PPP1R9A: variants seen among roughly 807,000 people sequenced by gnomAD.
PPP1R9A encodes protein phosphatase 1 regulatory subunit 9A.
A neutral mutation model predicts 141.9 loss-of-function variants in PPP1R9A; 59 were observed. That is an observed-to-expected ratio of 0.42 (90% CI 0.34 to 0.52). The LOEUF is 0.52. PPP1R9A is among the 20% of genes least tolerant of loss of function. The probability of loss-of-function intolerance (pLI) is 0.10; values close to 1 mark genes in which losing one functional copy is unlikely to be tolerated. For missense variants in PPP1R9A, 1,444 were observed against 1,611.9 expected, an observed-to-expected ratio of 0.90 and a Z score of 1.78; for synonymous variants, 500 against 569.7, an observed-to-expected ratio of 0.88 and a Z score of 1.74.
intron 8 of PPP1R9A, among the ~76,000 whole-genome samples, 197 bp from the exon 9 acceptor site, chr7:95,247,276 A>G (rs979479816): frequency 1.3e-5 from 2 of 152,322 alleles, no homozygotes; most frequent in African/African-American, 4.8e-5. Context: ...GTTAGGGAGT[A>G]TAGACCATAA....
At chr7:94,934,743 G>C (rs759867261) in intron 2 of PPP1R9A, among the ~76,000 whole-genome samples, 3 of 151,328 alleles carry the variant, frequency 2.0e-5, no homozygotes, top group African/African-American at 7.3e-5. Context: ...ACATATATAC[G>C]TCTATATACA....
intron 4 of PPP1R9A, among the ~76,000 whole-genome samples, chr7:95,157,205 G>A (rs1829760944): frequency 6.6e-6 from 1 of 152,114 alleles, no homozygotes; most frequent in Admixed American, 6.5e-5. Context: ...CAAGCAGCGG[G>A]AGCAGGCACT....
chr7:95,276,940 A>G (rs1803319974), intron 16 of PPP1R9A, among the ~76,000 whole-genome samples: 1 of 152,172 alleles, frequency 6.6e-6, no homozygotes, highest in African/African-American at 2.4e-5. Flanking sequence ...GCTGCCCAGT[A>G]GGAGCTTAAT....
chr7:95,138,211 C>G (rs1008921642), intron 4 of PPP1R9A, among the ~76,000 whole-genome samples: 1 of 152,162 alleles, frequency 6.6e-6, no homozygotes, highest in Non-Finnish European at 1.5e-5. Flanking sequence ...GGATTACAGG[C>G]ATGAGCCACC....
intron 2 of PPP1R9A, among the ~76,000 whole-genome samples, chr7:94,983,585 T>C (rs1800405424): frequency 6.6e-6 from 1 of 152,156 alleles, no homozygotes; most frequent in Non-Finnish European, 1.5e-5. Flanking sequence ...TTATTCTCTT[T>C]GTAGCAATTG....
At chr7:95,077,082 GTAAA>G (rs966231541) in intron 2 of PPP1R9A, among the ~76,000 whole-genome samples, 7 of 151,940 alleles carry the variant, frequency 4.6e-5, no homozygotes, top group African/African-American at 1.7e-4. Flanking sequence ...AGCCACTTGT[GTAAA>G]TATAGAGTTG....
intron 16 of PPP1R9A, among the ~76,000 whole-genome samples, chr7:95,282,162 C>CTTTTA: frequency 8.4e-6 from 1 of 119,608 alleles, no homozygotes; most frequent in African/African-American, 3.8e-5. Flanking sequence ...AAACCCCTAT[C>CTTTTA]TCTACAAAAA....
intron 5 of PPP1R9A, among the ~76,000 whole-genome samples, chr7:95,188,998 C>G (rs1010789052): frequency 6.6e-6 from 1 of 152,092 alleles, no homozygotes; most frequent in Non-Finnish European, 1.5e-5. Context: ...GATGAATTCT[C>G]TCAGCATTTA....
chr7:95,101,204 T>C (rs1818754659), intron 2 of PPP1R9A, among the ~76,000 whole-genome samples: 1 of 152,164 alleles, frequency 6.6e-6, no homozygotes, highest in Admixed American at 6.5e-5. Flanking sequence ...AGGTGAAACG[T>C]TCTTAGTTAT....
At chr7:94,980,605 G>GC (rs1799986878) in intron 2 of PPP1R9A, among the ~76,000 whole-genome samples, 1 of 139,268 alleles carries the variant, frequency 7.2e-6, no homozygotes, top group Non-Finnish European at 1.5e-5. Flanking sequence ...CCAGTTTAGT[G>GC]TTTTTTTTTT....
intron 2 of PPP1R9A, among the ~76,000 whole-genome samples, chr7:95,092,556 T>C (rs1370252423): frequency 3.3e-5 from 5 of 152,276 alleles, no homozygotes; most frequent in Middle Eastern, 3.4e-3. Context: ...GAAGTACATA[T>C]TAAAGGGAGT....
In PPP1R9A at chr7:95,159,750, C is replaced by T. The variant is rs182683720; in HGVS notation, c.1650-2117C>T. 2.7e-3 allele frequency among the ~76,000 whole-genome samples: 416 copies of T among 151,644 alleles called. 1 individual carries two copies. The highest frequency in any genetic ancestry group is 8.6e-3 in the African/African-American group (357 of 41,330). On this transcript the variant is annotated intron_variant, in intron 4 of 19. Coordinates refer to ENST00000433360, the MANE Select transcript of PPP1R9A (RefSeq NM_001166160.2). ...CAGCCTGACCAACATGATGAAACCC[C>T]ATCTCTACTAAAAATACAAAAAAAC...
intron 2 of PPP1R9A, among the ~76,000 whole-genome samples, chr7:94,926,535 T>TC: frequency 2.0e-5 from 3 of 152,188 alleles, no homozygotes; most frequent in African/African-American, 7.2e-5. Flanking sequence ...GTAACTTGAG[T>TC]ATGTGAGTGT....
chr7:95,109,797 A>G (rs1584735753), intron 2 of PPP1R9A, among the ~76,000 whole-genome samples: 1 of 151,890 alleles, frequency 6.6e-6, no homozygotes, highest in South Asian at 2.1e-4. Flanking sequence ...TGAGCCTACT[A>G]CTGCACTCCA....
intron 4 of PPP1R9A, among the ~76,000 whole-genome samples, chr7:95,142,689 G>A (rs1373151968): frequency 6.6e-6 from 1 of 151,864 alleles, no homozygotes; most frequent in African/African-American, 2.4e-5. Context: ...TTATTATATG[G>A]ACAAGATTAA....
At chr7:95,279,667 A>T (rs1227792670) in intron 16 of PPP1R9A, among the ~76,000 whole-genome samples, 3 of 152,172 alleles carry the variant, frequency 2.0e-5, no homozygotes, top group African/African-American at 7.2e-5. Context: ...GTGACTCTAA[A>T]CGTCCCAATA....
chr7:95,148,084 G>T (rs530996551), intron 4 of PPP1R9A, among the ~76,000 whole-genome samples: 13 of 152,072 alleles, frequency 8.5e-5, no homozygotes, highest in Non-Finnish European at 1.6e-4. Context: ...ATTATTGAAT[G>T]CATATATATT....
intron 2 of PPP1R9A, among the ~76,000 whole-genome samples, chr7:94,957,220 A>G (rs1181091375): frequency 6.6e-6 from 1 of 152,026 alleles, no homozygotes; most frequent in Non-Finnish European, 1.5e-5. Flanking sequence ...TGCCTCAGTC[A>G]CTCATGTGCT....
Position 95,019,251 on chromosome 7 carries a change from TG to T in PPP1R9A, c.1396-92005del, listed in dbSNP as rs1403274213. Among the ~76,000 whole-genome samples, 6 of 152,164 alleles carry T rather than the reference TG, an allele frequency of 3.9e-5. No individual in the cohort carries two copies. The East Asian group carries it at 1.2e-3, about 30-fold the overall frequency. Reference sequence around the variant, plus strand: ...CTCTACTGAAAGTACAAAAATTAGTTGGGTGTGGTGGCAGGCGCCTGTAATC... The same window carrying T: ...CTCTACTGAAAGTACAAAAATTAGTTGGTGTGGTGGCAGGCGCCTGTAATC... On this transcript the variant is annotated intron_variant, in intron 2 of 19. Transcript: ENST00000433360.
Sources: allele counts gnomAD v4.1 joint callset (sites outside exome capture counted in the v4.1 genomes callset), GRCh38; gene constraint gnomAD v4.1.1; transcripts MANE v1.5; gene names NCBI Gene and HGNC (gene_info 2026-07-23, HGNC 2026-07-21).